CCDC158: variants seen among roughly 807,000 people sequenced by gnomAD.
The protein encoded by CCDC158 is coiled-coil domain-containing protein 158.
In CCDC158, 116 loss-of-function variants were observed where a neutral mutation model predicts 138.6. That is an observed-to-expected ratio of 0.84 (90% CI 0.72 to 0.98). The LOEUF is 0.98. Ranked by LOEUF, CCDC158 falls within the 50% of genes least tolerant of loss-of-function variation. The pLI is 0.00. For synonymous variants in CCDC158, 436 were observed against 442.4 expected, an observed-to-expected ratio of 0.99 and a Z score of 0.18; for missense variants, 1,265 against 1,306.1, an observed-to-expected ratio of 0.97 and a Z score of 0.48.
At chr4:76,326,055 A>G (rs200524868) in intron 22 of CCDC158, 40 bp from the exon 23 acceptor site, 164 of 1,545,378 alleles carry the variant, frequency 1.1e-4, no homozygotes, top group Middle Eastern at 5.1e-4. Flanking sequence ...GACAGAATTA[A>G]TTAAAAATAG....
chr4:76,331,190 G>C (rs560337298), intron 21 of CCDC158, among the ~76,000 whole-genome samples, 154 bp downstream of exon 21: 140 of 152,324 alleles, frequency 9.2e-4, no homozygotes, highest in African/African-American at 3.3e-3. Flanking sequence ...ACGATTGTAA[G>C]CAACTTGAGG....
Position 76,415,078 on chromosome 4 carries a change from C to T in CCDC158, c.-116-2946G>A, listed in dbSNP as rs139178632. ...CCAATAACAATATGGACAATAAGGT[C>T]CAGGCTGAGGTGGTCAGATGGAGAT... On this transcript the variant is annotated intron_variant, in intron 1 of 24. Transcript: ENST00000682701. 4.1e-3 allele frequency among the ~76,000 whole-genome samples: 617 copies of T among 152,170 alleles called. 2 individuals carry two copies. The highest frequency in any genetic ancestry group is 6.6e-3 in the Admixed American group (101 of 15,288).
chr4:76,317,596 C>A (rs1223491245), intron 24 of CCDC158, among the ~76,000 whole-genome samples: 1 of 151,938 alleles, frequency 6.6e-6, no homozygotes, highest in Non-Finnish European at 1.5e-5. Context: ...TCAACAACAA[C>A]AACAAAAAAC....
chr4:76,353,805 A>G (rs1175939869), intron 15 of CCDC158, among the ~76,000 whole-genome samples: 1 of 152,212 alleles, frequency 6.6e-6, no homozygotes, highest in Non-Finnish European at 1.5e-5. Context: ...TTACTGATAC[A>G]ATAGTCTCTG....
chr4:76,334,542 A>C (rs1721293752), intron 18 of CCDC158, among the ~76,000 whole-genome samples: 1 of 152,216 alleles, frequency 6.6e-6, no homozygotes, highest in Admixed American at 6.5e-5. Context: ...AACTAATTTG[A>C]TAAAGCAACA....
intron 11 of CCDC158, 96 bp downstream of exon 11, chr4:76,369,330 A>T (rs1260322494): frequency 1.8e-5 from 21 of 1,190,982 alleles, no homozygotes; most frequent in Non-Finnish European, 2.4e-5. Context: ...TTTTAGGTCC[A>T]TATATGTTAA....
chr4:76,342,854 A>T, intron 18 of CCDC158, among the ~76,000 whole-genome samples: 1 of 152,232 alleles, frequency 6.6e-6, no homozygotes, highest in East Asian at 1.9e-4. Context: ...TGAGTATTCC[A>T]GGAAGGCTCA....
intron 18 of CCDC158, among the ~76,000 whole-genome samples, chr4:76,342,889 A>G (rs1256975510): frequency 6.6e-6 from 1 of 152,206 alleles, no homozygotes; most frequent in Non-Finnish European, 1.5e-5. Flanking sequence ...CATGTATTTC[A>G]AAGTCCAGGG....
intron 4 of CCDC158, among the ~76,000 whole-genome samples, chr4:76,386,218 C>T (rs936106756): frequency 2.0e-5 from 3 of 151,690 alleles, no homozygotes; most frequent in African/African-American, 7.3e-5. Context: ...TCGATGGGAA[C>T]ACCAAATTTT....
intron 21 of CCDC158, 140 bp downstream of exon 21, chr4:76,331,202 CAG>C: frequency 3.0e-6 from 2 of 657,268 alleles, no homozygotes; most frequent in South Asian, 5.7e-5. Context: ...AACTTGAGGA[CAG>C]AGCCCATATC....
At chr4:76,398,415 C>T (rs1728025452) in intron 3 of CCDC158, among the ~76,000 whole-genome samples, 1 of 152,176 alleles carries the variant, frequency 6.6e-6, no homozygotes, top group South Asian at 2.1e-4. Flanking sequence ...GGCTGTAATC[C>T]TAGCACTTTG....
intron 19 of CCDC158, 128 bp downstream of exon 19, chr4:76,333,882 T>G (rs541224515): frequency 1.8e-6 from 1 of 553,618 alleles, no homozygotes. Flanking sequence ...TATTATTTTC[T>G]GTGGTAGTAA....
intron 4 of CCDC158, among the ~76,000 whole-genome samples, chr4:76,386,319 G>A (rs1162866268): frequency 6.6e-6 from 1 of 152,214 alleles, no homozygotes; most frequent in Non-Finnish European, 1.5e-5. Flanking sequence ...CTGGAGGCAG[G>A]GAACATAAGG....
intron 16 of CCDC158, chr4:76,352,435 T>TA (rs1389900930): frequency 7.1e-6 from 1 of 141,706 alleles, no homozygotes; most frequent in Admixed American, 7.2e-5. Context: ...AAATAAATTT[T>TA]AAAAAATAAC....
intron 10 of CCDC158, among the ~76,000 whole-genome samples, chr4:76,369,877 A>G (rs959846618): frequency 4.6e-5 from 7 of 152,234 alleles, no homozygotes; most frequent in African/African-American, 1.4e-4. Flanking sequence ...AGGAAAATAC[A>G]GTAGATTTTA....
In CCDC158 at chr4:76,325,900, C is replaced by T. The variant is rs187564907; in HGVS notation, c.3126G>A (p.Gln1042=). Residue 1042 remains glutamine, a synonymous_variant, in exon 23 of 25, where the codon CAG becomes CAA. Transcript: ENST00000682701. ...AATGAATAGGTTTGGCAGATCTATACTGTGATGTGGAACCTATTGAACCTT... is the reference window on the plus strand; with the variant it reads ...AATGAATAGGTTTGGCAGATCTATATTGTGATGTGGAACCTATTGAACCTT... ...SVEGSIGSTS[Q]YRSAKPIHSS... 936 of 1,613,684 alleles carry T rather than the reference C, an allele frequency of 5.8e-4. 6 individuals carry two copies. The African/African-American group carries it at 0.01, about 18-fold the overall frequency.
chr4:76,340,230 TC>T lies in CCDC158; in HGVS notation c.2665-6064del, dbSNP rs2110130672. 3.3e-5 allele frequency among the ~76,000 whole-genome samples: 5 copies of T among 152,366 alleles called. No individual in the cohort carries two copies. The South Asian group carries it at 1.0e-3, about 32-fold the overall frequency. On this transcript the variant is annotated intron_variant, in intron 18 of 24. Transcript: ENST00000682701. ...GGATTTTTGACATGTGTCAAAATTATCAGAGATTTTGAAAGAGGCTGTGCCA... is the reference window on the plus strand; with the variant it reads ...GGATTTTTGACATGTGTCAAAATTATAGAGATTTTGAAAGAGGCTGTGCCA...
chr4:76,363,032 T>G (rs1252190002), intron 12 of CCDC158, among the ~76,000 whole-genome samples: 1 of 152,184 alleles, frequency 6.6e-6, no homozygotes, highest in Non-Finnish European at 1.5e-5. Context: ...TTGACTGTCG[T>G]CTGGGAACTT....
intron 8 of CCDC158, among the ~76,000 whole-genome samples, chr4:76,381,315 G>A (rs1726222950): frequency 6.6e-6 from 1 of 152,250 alleles, no homozygotes; most frequent in Non-Finnish European, 1.5e-5. Context: ...GCTGTACAAT[G>A]CAGAGCAACA....
Sources: allele counts gnomAD v4.1 joint callset (sites outside exome capture counted in the v4.1 genomes callset), GRCh38; gene constraint gnomAD v4.1.1; transcripts MANE v1.5; gene names NCBI Gene and HGNC (gene_info 2026-07-23, HGNC 2026-07-21).